Variants in LAMA3 observed in about 807,000 individuals in gnomAD.
The protein encoded by LAMA3 is laminin subunit alpha 3, also known as laminin subunit alpha-3.
Under a neutral mutation model 402.0 loss-of-function variants are expected in LAMA3, and 281 were observed. That is an observed-to-expected ratio of 0.70 (90% CI 0.63 to 0.77). The LOEUF (loss-of-function observed/expected upper bound fraction) is 0.77. Ranked by LOEUF, LAMA3 falls within the 30% of genes least tolerant of loss-of-function variation. The probability of loss-of-function intolerance (pLI) is 0.00; values close to 1 mark genes in which losing one functional copy is unlikely to be tolerated. For synonymous variants in LAMA3, 1,431 were observed against 1,558.4 expected (o/e 0.92, Z 1.93); for missense variants, 3,840 against 4,215.5 (o/e 0.91, Z 2.47).
chr18:23,763,048 G>T (rs1301663537), intron 7 of LAMA3, among the ~76,000 whole-genome samples: 1 of 151,978 alleles, frequency 6.6e-6, no homozygotes, highest in Non-Finnish European at 1.5e-5. Flanking sequence ...GTAGAGACAG[G>T]GTTTCACCAT....
chr18:23,870,363 T>C (rs2064482284), intron 37 of LAMA3, among the ~76,000 whole-genome samples: 1 of 151,478 alleles, frequency 6.6e-6, no homozygotes, highest in Admixed American at 6.6e-5. Flanking sequence ...TGTGGTGAAA[T>C]TGGGACCCTT....
rs763917715 is a variant in LAMA3 at position 23,758,442 on chromosome 18, C to T, written c.994C>T (p.Arg332Cys). Residue 332 changes from arginine (R) to cysteine (C), a missense_variant, in exon 7 of 75, where the codon CGC becomes TGC. This residue lies in a region of LAMA3 where 2,109 missense variants were observed against 2,376.0 expected (regional missense o/e 0.89). Transcript: ENST00000313654. ...CCACACCTGTGGGGAGACGTGTGAT[C>T]GCTGCTGCACAGGGTACAATCAGAG... ...QHHTCGETCDRCCTGYNQRRW... is the reference protein window; with the variant it reads ...QHHTCGETCDCCCTGYNQRRW... 6.2e-7 allele frequency: 1 copy of T among 1,614,190 alleles called. No homozygotes were observed. Among genetic ancestry groups the T allele is most frequent in the Non-Finnish European group, 8.5e-7 (1 of 1,180,026 alleles).
chr18:23,861,549 C>A, intron 34 of LAMA3, 97 bp from the exon 35 acceptor site: 2 of 1,389,958 alleles, frequency 1.4e-6, no homozygotes, highest in East Asian at 2.3e-5. Flanking sequence ...GGCAAGGAGG[C>A]TGCCCGTGGA....
In LAMA3 at chr18:23,918,410, TC is replaced by T. The variant is rs1325830051; in HGVS notation, c.7923+1717del. 6.6e-6 allele frequency among the ~76,000 whole-genome samples: 1 copy of T among 152,226 alleles called. No individual in the cohort carries two copies. Among genetic ancestry groups the T allele is most frequent in the Non-Finnish European group, 1.5e-5 (1 of 68,032 alleles). ...TTCTGACCCAAAACATGTGAAAACT[TC>T]CTGGGATCTCTAAGATCTAGACTGA... On this transcript the variant is annotated intron_variant, in intron 60 of 74. Coordinates refer to ENST00000313654, the MANE Select transcript of LAMA3 (RefSeq NM_198129.4). The surrounding 1 kb of genome is among the most constrained non-coding windows in gnomAD (Gnocchi z 4.1).
chr18:23,822,278 A>C lies in LAMA3; in HGVS notation c.2331A>C (p.Val777=), dbSNP rs747775542. Residue 777 remains valine (V), a synonymous_variant, in exon 20 of 75, where the codon GTA becomes GTC. Coordinates refer to ENST00000313654, the MANE Select transcript of LAMA3 (RefSeq NM_198129.4). The part of the protein sequence containing the change: ...VQNDVRITLN[V]GKSSGSLFRV... ...ATGATGTAAGAATAACATTGAATGT[A>C]GGGAAGTCAAGTGGCTCCTTGTTTC... The C allele has an allele frequency of 7.4e-6, 12 of 1,613,978 alleles. No individual in the cohort carries two copies. The highest frequency in any genetic ancestry group is 1.0e-5 in the Non-Finnish European group (12 of 1,179,848).
intron 30 of LAMA3, among the ~76,000 whole-genome samples, chr18:23,845,445 A>G (rs1568248079): frequency 6.6e-6 from 1 of 152,176 alleles, no homozygotes. Context: ...CAGATTCCTA[A>G]GACATACCAC....
In LAMA3 at chr18:23,689,771, C is replaced by G; in HGVS notation, c.88C>G (p.Pro30Ala). 1 of 1,528,164 alleles carries G rather than the reference C, an allele frequency of 6.5e-7. No individual in the cohort carries two copies. The highest frequency in any genetic ancestry group is 8.8e-7 in the Non-Finnish European group (1 of 1,139,608). 94.7% of individuals were successfully genotyped at this position (1,528,164 alleles called of 1,614,324 possible). A position where few individuals can be genotyped will look rare whatever the true frequency, so the allele number is the denominator to read the frequency against. ...GCTCCTGCTGGTACTGCGGGTGCTG[C>G]CAGCCTGCGGGGCGACCGCTCGGGA... is the stretch of plus-strand genomic sequence containing the variant. ...PLLLLVLRVL[P>A]ACGATARDPG... The change falls in exon 1 of 75, where the codon CCA (proline) becomes GCA (alanine). Residue 30 changes from proline (P) to alanine (A), a missense_variant. Transcript: ENST00000313654.
At chr18:23,770,556 T>A (rs1030225637) in intron 8 of LAMA3, among the ~76,000 whole-genome samples, 1 of 151,712 alleles carries the variant, frequency 6.6e-6, no homozygotes, top group Non-Finnish European at 1.5e-5. Context: ...GGTCAGGAGA[T>A]TGAGACCATC....
rs775508695 is a variant in LAMA3 at position 23,784,060 on chromosome 18, A to G, written c.1506A>G (p.Ile502Met). 11 of 1,613,970 alleles carry G rather than the reference A, an allele frequency of 6.8e-6. No homozygotes were observed. In the African/African-American group the frequency reaches 1.5e-4, roughly 22 times the overall value. Residue 502 changes from isoleucine (I) to methionine (M), a missense_variant, in exon 12 of 75, where the codon ATA becomes ATG. Physicochemically the swap from Ile to Met is conservative, Grantham distance 10. This residue lies in a region of LAMA3 where 2,109 missense variants were observed against 2,376.0 expected (regional missense o/e 0.89). Transcript: ENST00000313654. ...ATCTGGAAGGTGTTCTCCCTGAAAT[A>G]TGTGATGCCCACGGACGGTGCCTGT... ...DCNLEGVLPE[I>M]CDAHGRCLCR...
Position 23,785,888 on chromosome 18 carries a change from T to C in LAMA3, c.1603+1731T>C, listed in dbSNP as rs116567903. ...GGATACAAAGATAATGAATAAATAA[T>C]ACAACACTTTAAGAATGCTCTTTTC... On this transcript the variant is annotated intron_variant, in intron 12 of 74. Coordinates refer to ENST00000313654, the MANE Select transcript of LAMA3 (RefSeq NM_198129.4). Among the ~76,000 whole-genome samples, 206 of 152,296 alleles carry C rather than the reference T, an allele frequency of 1.4e-3. 1 individual carries two copies. The highest frequency in any genetic ancestry group is 4.8e-3 in the African/African-American group (201 of 41,558).
At chr18:23,705,450 T>C (rs62093318) in intron 1 of LAMA3, among the ~76,000 whole-genome samples, 27 of 145,490 alleles carry the variant, frequency 1.9e-4, no homozygotes, top group East Asian at 6.2e-4. Context: ...TATCATGACA[T>C]ACACACACAC....
At position 23,838,798 on chromosome 18, in the gene LAMA3, A is replaced by T; in HGVS notation, c.3111A>T (p.Ile1037=). The T allele has an allele frequency of 6.2e-7, 1 of 1,606,870 alleles. No individual in the cohort carries two copies. Among genetic ancestry groups the T allele is most frequent in the Non-Finnish European group, 8.5e-7 (1 of 1,173,364 alleles). Residue 1037 remains isoleucine, a synonymous_variant, in exon 26 of 75, where the codon ATA becomes ATT. Coordinates refer to ENST00000313654, the MANE Select transcript of LAMA3 (RefSeq NM_198129.4). ...CTCACTAGCATCAAGTTTGTATCAT[A>T]CCTATTGAAGAATTCTCAGCTGAGT... ...ARFLLHQVCI[I]PIEEFSAEYV... is the part of the protein sequence containing the mutation.
chr18:23,744,448 T>C (rs369328793), intron 2 of LAMA3, among the ~76,000 whole-genome samples: 2 of 152,118 alleles, frequency 1.3e-5, no homozygotes, highest in Non-Finnish European at 2.9e-5. Flanking sequence ...AGTGGACTTA[T>C]TAAGTTAGGC....
intron 2 of LAMA3, among the ~76,000 whole-genome samples, chr18:23,720,770 G>T (rs780569461): frequency 1.3e-5 from 2 of 152,172 alleles, no homozygotes; most frequent in Non-Finnish European, 2.9e-5. Flanking sequence ...ATCCTTTATG[G>T]TCCTTTAGTA....
chr18:23,813,559 T>C (rs2063117785), intron 14 of LAMA3, among the ~76,000 whole-genome samples: 3 of 145,940 alleles, frequency 2.1e-5, no homozygotes, highest in South Asian at 2.2e-4. Flanking sequence ...CTTTCTTTTT[T>C]TTTTTTTTTT....
Position 23,751,028 on chromosome 18 carries a change from C to T in LAMA3, c.795C>T (p.Thr265=). Residue 265 remains threonine (T), a synonymous_variant, in exon 5 of 75, where the codon ACC becomes ACT. Coordinates refer to ENST00000313654, the MANE Select transcript of LAMA3 (RefSeq NM_198129.4). ...ACATCCGCTTGCGTTTTCTTAGAAC[C>T]AATACGCTTCTTGGACACCTCATCT... ...ATNIRLRFLR[T]NTLLGHLISK... 3 of 1,614,136 alleles carry T rather than the reference C, an allele frequency of 1.9e-6. No individual in the cohort carries two copies. The highest frequency in any genetic ancestry group is 2.5e-6 in the Non-Finnish European group (3 of 1,180,014).
At chr18:23,811,904 C>T (rs990324637) in intron 13 of LAMA3, among the ~76,000 whole-genome samples, 1 of 151,788 alleles carries the variant, frequency 6.6e-6, no homozygotes, top group Non-Finnish European at 1.5e-5. Flanking sequence ...GACAGAGTCT[C>T]GCTCTGTCCC....
Position 23,834,002 on chromosome 18 carries a change from C to A in LAMA3, c.2984+14C>A. ...CTGCAACTACAGGTACTCAGCCCCACCAAGGGAATTCCTCTGTAAAGGAAC... is the reference window on the plus strand; with the variant it reads ...CTGCAACTACAGGTACTCAGCCCCAACAAGGGAATTCCTCTGTAAAGGAAC... On this transcript the variant is annotated intron_variant, in intron 24 of 74. Coordinates refer to ENST00000313654, the MANE Select transcript of LAMA3 (RefSeq NM_198129.4). 1 of 1,614,072 alleles carries A rather than the reference C, an allele frequency of 6.2e-7. No individual in the cohort carries two copies. The highest frequency in any genetic ancestry group is 8.5e-7 in the Non-Finnish European group (1 of 1,179,912).
rs1168917373 is a variant in LAMA3, at chr18:23,861,757, A to G, written c.4534A>G (p.Thr1512Ala). ...GGCGGATCTCCAGGAGCTGCCCGCAACCATCCACAGCGCGTCCTGGGTCGC... is the reference window on the plus strand; with the variant it reads ...GGCGGATCTCCAGGAGCTGCCCGCAGCCATCCACAGCGCGTCCTGGGTCGC... ...MVADLQELPA[T>A]IHSASWVAPT... is the part of the protein sequence containing the mutation. Residue 1512 changes from threonine to alanine, a missense_variant, in exon 35 of 75, where the codon ACC (threonine) becomes GCC (alanine). By Grantham distance (58) the Thr-to-Ala change is moderately conservative. Around this residue, in one of 3 missense-constraint regions of LAMA3, gnomAD observed 2,109 missense variants for 2,376.0 expected, o/e 0.89. Coordinates refer to ENST00000313654, the MANE Select transcript of LAMA3 (RefSeq NM_198129.4). 3 of 1,613,916 alleles carry G rather than the reference A, an allele frequency of 1.9e-6. No individual in the cohort carries two copies. Among genetic ancestry groups the G allele is most frequent in the South Asian group, 1.1e-5 (1 of 91,004 alleles).
Sources: allele counts gnomAD v4.1 joint callset (sites outside exome capture counted in the v4.1 genomes callset), GRCh38; gene constraint gnomAD v4.1.1; regional missense constraint gnomAD v4.1.1; non-coding constraint Gnocchi (gnomAD v3.1); transcripts MANE v1.5; gene names NCBI Gene and HGNC (gene_info 2026-07-23, HGNC 2026-07-21).